Variants in OSBPL6 observed in about 807,000 individuals in gnomAD.
OSBPL6 encodes oxysterol-binding protein-related protein 6.
Under a neutral mutation model 125.8 loss-of-function variants are expected in OSBPL6, and 49 were observed. That is an observed-to-expected ratio of 0.39 (90% CI 0.31 to 0.49). The LOEUF is 0.49. Ranked by LOEUF, OSBPL6 falls within the 20% of genes least tolerant of loss-of-function variation. The pLI, the probability that OSBPL6 is intolerant of heterozygous loss-of-function variation, is 0.88. For synonymous variants in OSBPL6, 394 were observed against 391.8 expected (o/e 1.01, Z -0.07); for missense variants, 986 against 1,135.4 (o/e 0.87, Z 1.89).
At chr2:178,235,398 C>CTTTTTTTTTTTTTTT (rs540269327) in intron 1 of OSBPL6, among the ~76,000 whole-genome samples, 9 of 78,038 alleles carry the variant, frequency 1.2e-4, no homozygotes, top group South Asian at 4.9e-4. Context: ...CTTTTCTTTT[C>CTTTTTTTTTTTTTTT]TTTTTTTTTT....
At chr2:178,203,845 C>G (rs923003324) in intron 1 of OSBPL6, among the ~76,000 whole-genome samples, 2 of 152,100 alleles carry the variant, frequency 1.3e-5, no homozygotes, top group African/African-American at 4.8e-5. Flanking sequence ...GTACTGTACC[C>G]AATGTCCGCT....
rs567307097 is a variant in OSBPL6 at position 178,241,380 on chromosome 2, G to A, written c.-350-43547G>A. On this transcript the variant is annotated intron_variant, in intron 1 of 24. Transcript: ENST00000190611. ...TCCCGCCTCGGCCTCCCAAAGTGAT[G>A]GGATTACAGGTGTGAGCCACTGCAC... Among the ~76,000 whole-genome samples the A allele has an allele frequency of 2.7e-4, 40 of 150,438 alleles. No individual in the cohort carries two copies. The South Asian group carries it at 8.0e-3, about 30-fold the overall frequency.
intron 1 of OSBPL6, among the ~76,000 whole-genome samples, chr2:178,257,062 G>T (rs6746159): frequency 0.03 from 4,632 of 152,250 alleles, 196 homozygotes; most frequent in African/African-American, 0.11. Flanking sequence ...CTTAGCATTG[G>T]AAGGCCAAAT....
intron 2 of OSBPL6, among the ~76,000 whole-genome samples, chr2:178,297,713 CA>C (rs1559215601): frequency 1.3e-5 from 2 of 152,120 alleles, no homozygotes; most frequent in South Asian, 2.1e-4. Context: ...AGAAGAAATG[CA>C]GATTGGCGTG....
chr2:178,194,077 A>G (rs2088682342), upstream of OSBPL6, among the ~76,000 whole-genome samples: 1 of 152,138 alleles, frequency 6.6e-6, no homozygotes, highest in East Asian at 1.9e-4. Context: ...TCCTGGGCCG[A>G]GCGCTGGAGC....
At chr2:178,201,807 G>T (rs1257353094) in intron 1 of OSBPL6, among the ~76,000 whole-genome samples, 4 of 152,144 alleles carry the variant, frequency 2.6e-5, no homozygotes, top group Non-Finnish European at 4.4e-5. Context: ...ATACTGACAG[G>T]GACCTGTGGC....
In OSBPL6 at chr2:178,394,192, C is replaced by T. The variant is rs557891308; in HGVS notation, c.2574-121C>T. On this transcript the variant is annotated intron_variant, in intron 23 of 24. Transcript: ENST00000190611. ...CCAGCCTGGCGACAGAGCAAGACTC[C>T]GTCCGTTACTGTGCGGTATTTTATG... 485 of 1,269,744 alleles carry T rather than the reference C, an allele frequency of 3.8e-4. 2 individuals carry two copies. The African/African-American group carries it at 6.8e-3, about 18-fold the overall frequency. The allele number at this position is 1,269,744 out of a possible 1,614,324, so 78.7% of individuals were successfully genotyped here.
At chr2:178,367,564 T>C (rs1034405924) in intron 13 of OSBPL6, among the ~76,000 whole-genome samples, 1 of 152,216 alleles carries the variant, frequency 6.6e-6, no homozygotes, top group African/African-American at 2.4e-5. Context: ...CTAAGATAAA[T>C]CTTCACCTAG....
chr2:178,300,720 T>C (rs1188008273), intron 2 of OSBPL6, among the ~76,000 whole-genome samples: 1 of 152,224 alleles, frequency 6.6e-6, no homozygotes, highest in Non-Finnish European at 1.5e-5. Context: ...TCCTCCCAAA[T>C]GCTGGGATTA....
chr2:178,333,154 G>GATCCACCCGCCTT, intron 8 of OSBPL6, 113 bp downstream of exon 8: 1 of 1,143,748 alleles, frequency 8.7e-7, no homozygotes, highest in Non-Finnish European at 1.3e-6. Context: ...AGGCCAAGGC[G>GATCCACCCGCCTT]GGTGGATCGC....
intron 8 of OSBPL6, among the ~76,000 whole-genome samples, chr2:178,335,408 T>A (rs1689589383): frequency 6.6e-6 from 1 of 152,138 alleles, no homozygotes; most frequent in African/African-American, 2.4e-5. Context: ...GTGAAAGATT[T>A]CCATTACATT....
At chr2:178,275,646 C>T (rs188949982) in intron 1 of OSBPL6, among the ~76,000 whole-genome samples, 4 of 150,888 alleles carry the variant, frequency 2.7e-5, no homozygotes, top group Non-Finnish European at 4.4e-5. Context: ...ATTGAGGAGA[C>T]GGATTGAGTA....
Position 178,395,772 on chromosome 2 carries a change from TAAAAAAAAAAAAAAAA to T in OSBPL6, c.*226_*241del, listed in dbSNP as rs746653123. The T allele has an allele frequency of 1.2e-5, 3 of 241,454 alleles. No individual in the cohort carries two copies. Among genetic ancestry groups the T allele is most frequent in the South Asian group, 2.6e-5 (1 of 38,412 alleles). The allele number at this position is 241,454 out of a possible 1,614,324, so 15.0% of individuals were successfully genotyped here. Reference sequence around the variant, plus strand: ...TCTGTTTTGCTGCAACCATATTCCTTAAAAAAAAAAAAAAAAAAAAAAAAAAAATCCACACCGTCCT... The same window carrying T: ...TCTGTTTTGCTGCAACCATATTCCTTAAAAAAAAAAAATCCACACCGTCCT... On this transcript the variant is annotated 3_prime_UTR_variant, in exon 25 of 25. Coordinates refer to ENST00000190611, the MANE Select transcript of OSBPL6 (RefSeq NM_032523.4).
At chr2:178,384,273 T>C in intron 18 of OSBPL6, 97 bp downstream of exon 18, 1 of 1,442,054 alleles carries the variant, frequency 6.9e-7, no homozygotes, top group Non-Finnish European at 9.5e-7. Flanking sequence ...GGATGGGTTA[T>C]GATACCAGTT....
At chr2:178,232,879 T>G (rs1361608168) in intron 1 of OSBPL6, among the ~76,000 whole-genome samples, 1 of 152,214 alleles carries the variant, frequency 6.6e-6, no homozygotes, top group Non-Finnish European at 1.5e-5. Context: ...GGGCCTCAGA[T>G]GTACTCGTGT....
In OSBPL6 at chr2:178,361,668, T is replaced by C; in HGVS notation, c.1154-14T>C. On this transcript the variant is annotated splice_polypyrimidine_tract_variant and intron_variant, in intron 12 of 24. Coordinates refer to ENST00000190611, the MANE Select transcript of OSBPL6 (RefSeq NM_032523.4). ...CATATCTGACAGTTTTTTCTCACTT[T>C]TCTCCCCACCCAGTGCATTCTCTTT... is the stretch of plus-strand genomic sequence containing the variant. The C allele has an allele frequency of 6.2e-7, 1 of 1,612,988 alleles. No individual in the cohort carries two copies. Among genetic ancestry groups the C allele is most frequent in the Admixed American group, 1.7e-5 (1 of 59,882 alleles).
chr2:178,345,388 G>A (rs1027911537), intron 11 of OSBPL6, among the ~76,000 whole-genome samples: 1 of 152,148 alleles, frequency 6.6e-6, no homozygotes, highest in Non-Finnish European at 1.5e-5. Flanking sequence ...ATTAGTAATT[G>A]GCTCTTGCCT....
intron 1 of OSBPL6, among the ~76,000 whole-genome samples, chr2:178,220,074 G>A (rs747034955): frequency 2.0e-5 from 3 of 152,166 alleles, no homozygotes; most frequent in African/African-American, 4.8e-5. Context: ...TGACCATGGA[G>A]GTGTCTGTTC....
chr2:178,224,051 C>G (rs76008168), intron 1 of OSBPL6, among the ~76,000 whole-genome samples: 8 of 152,068 alleles, frequency 5.3e-5, no homozygotes, highest in African/African-American at 1.9e-4. Context: ...AGGGGAACGC[C>G]GCATCTGAAG....
Sources: gnomAD v4.1 joint callset for allele counts (sites outside exome capture counted in the v4.1 genomes callset) on GRCh38, gnomAD v4.1.1 for gene constraint, MANE v1.5 for transcripts, NCBI Gene and HGNC (gene_info 2026-07-23, HGNC 2026-07-21) for gene names.